MEF2C: variants seen among roughly 807,000 people sequenced by gnomAD.
The protein encoded by MEF2C is myocyte enhancer factor 2C.
A neutral mutation model predicts 50.5 loss-of-function variants in MEF2C; 6 were observed. That is an observed-to-expected ratio of 0.12 (90% confidence interval 0.07 to 0.23). The LOEUF is 0.23. Ranked by LOEUF, MEF2C falls within the 10% of genes least tolerant of loss-of-function variation. The pLI is 1.00. For synonymous variants in MEF2C, 183 were observed against 228.0 expected (o/e 0.80, Z 1.78); for missense variants, 276 against 605.0 (o/e 0.46, Z 5.70).
chr5:88,844,292 C>T lies in MEF2C; in HGVS notation c.-142-20362G>A, dbSNP rs182066915. Among the ~76,000 whole-genome samples, 325 of 152,262 alleles carry T rather than the reference C, an allele frequency of 2.1e-3. 1 individual carries two copies. The highest frequency in any genetic ancestry group is 3.5e-3 in the Non-Finnish European group (235 of 68,016). ...GAAAAAATGCACAACTTGTCCAACT[C>T]TATACTGCAAGTAAGCAACAAAATT... On this transcript the variant is annotated intron_variant, in intron 1 of 10. Transcript: ENST00000504921.
intron 1 of MEF2C, among the ~76,000 whole-genome samples, chr5:88,858,149 C>T (rs528800591): frequency 3.0e-4 from 45 of 152,278 alleles, no homozygotes; most frequent in African/African-American, 1.0e-3. Flanking sequence ...TACTTCAAAT[C>T]AACTCAATGC....
rs1195635979 is a variant in MEF2C at position 88,718,922 on chromosome 5, A to T, written c.*3682T>A. On this transcript the variant is annotated 3_prime_UTR_variant, in exon 11 of 11. Coordinates refer to ENST00000504921, the MANE Select transcript of MEF2C (RefSeq NM_002397.5). ...AAAGATCTGTAGTGGCAGGAAATTA[A>T]CGCCATAAAAGTGACGACATCACGG... 1 of 152,240 alleles carries T rather than the reference A, an allele frequency of 6.6e-6. No individual in the cohort carries two copies. The highest frequency in any genetic ancestry group is 2.4e-5 in the African/African-American group (1 of 41,464). 9.4% of individuals were successfully genotyped at this position (152,240 alleles called of 1,614,324 possible).
intron 2 of MEF2C, among the ~76,000 whole-genome samples, chr5:88,816,431 C>G (rs925165456): frequency 7.0e-6 from 1 of 142,484 alleles, no homozygotes; most frequent in African/African-American, 2.6e-5. Flanking sequence ...GAGGCCACAG[C>G]TGTTAAACAT....
intron 1 of MEF2C, among the ~76,000 whole-genome samples, chr5:88,831,661 T>A (rs1012284261): frequency 1.8e-4 from 27 of 152,046 alleles, no homozygotes; most frequent in African/African-American, 6.3e-4. Context: ...AAACTTTACA[T>A]GCTCAAATAT....
chr5:88,788,178 G>GTTTGTTTATTTA (rs71613095), intron 3 of MEF2C, among the ~76,000 whole-genome samples: 246 of 89,190 alleles, frequency 2.8e-3, no homozygotes, highest in African/African-American at 6.3e-3. Flanking sequence ...TTGTTTGTTT[G>GTTTGTTTATTTA]TTTATTTATT....
At chr5:88,807,280 G>C (rs796554640) in intron 2 of MEF2C, among the ~76,000 whole-genome samples, 13 of 152,194 alleles carry the variant, frequency 8.5e-5, no homozygotes, top group African/African-American at 3.1e-4. Context: ...CTGGAGTGTA[G>C]CGGTACTAGA....
intron 1 of MEF2C, chr5:88,881,043 C>G (rs1299804760): frequency 6.6e-6 from 1 of 151,778 alleles, no homozygotes; most frequent in Non-Finnish European, 1.5e-5. Flanking sequence ...GTCAAACATT[C>G]GAATGCTGTG....
intron 3 of MEF2C, among the ~76,000 whole-genome samples, chr5:88,764,013 T>G (rs1778938568): frequency 6.6e-6 from 1 of 152,210 alleles, no homozygotes; most frequent in African/African-American, 2.4e-5. Context: ...TATAGTCTTA[T>G]CCAGGCAGTA....
chr5:88,757,402 T>C (rs1775854808), intron 4 of MEF2C, among the ~76,000 whole-genome samples: 1 of 152,006 alleles, frequency 6.6e-6, no homozygotes, highest in Non-Finnish European at 1.5e-5. Context: ...TACCAGCTGC[T>C]GGGCTGTAGT....
At chr5:88,819,313 G>A (rs553645970) in intron 2 of MEF2C, 14 of 982,906 alleles carry the variant, frequency 1.4e-5, no homozygotes, top group Admixed American at 6.2e-5. Flanking sequence ...TGAGAGATCC[G>A]GGCTCAGATC....
At chr5:88,779,955 G>A (rs576452210) in intron 3 of MEF2C, among the ~76,000 whole-genome samples, 466 of 152,016 alleles carry the variant, frequency 3.1e-3, no homozygotes, top group Non-Finnish European at 5.5e-3. Flanking sequence ...GACCAGCCTG[G>A]CCAAGATGGT....
intron 4 of MEF2C, among the ~76,000 whole-genome samples, chr5:88,758,044 T>C (rs1008190639): frequency 4.6e-5 from 7 of 152,198 alleles, no homozygotes; most frequent in African/African-American, 1.7e-4. Flanking sequence ...TTAGGTCCCA[T>C]CCTCCTTCCC....
At chr5:88,760,968 C>CATCT in intron 4 of MEF2C, 2 of 1,599,158 alleles carry the variant, frequency 1.3e-6, no homozygotes, top group East Asian at 2.2e-5. Context: ...GCAGACCAGC[C>CATCT]ATCTACCTTT....
In MEF2C at chr5:88,801,696, C is replaced by T. The variant is rs370015893; in HGVS notation, c.258+2902G>A. On this transcript the variant is annotated intron_variant, in intron 3 of 10. Transcript: ENST00000504921. ...AGAGACGGGGTTTCACCATGTTAGC[C>T]CCGATGATCTTGATCTCCTGACCTC... Among the ~76,000 whole-genome samples, 9 of 152,092 alleles carry T rather than the reference C, an allele frequency of 5.9e-5. No homozygotes were observed. In the East Asian group the frequency reaches 1.5e-3, roughly 26 times the overall value.
chr5:88,887,664 A>C (rs530044037), upstream of MEF2C: 286 of 152,358 alleles, frequency 1.9e-3, no homozygotes, highest in Middle Eastern at 6.8e-3. Context: ...AATACTTTCA[A>C]ATAGATTTAT....
intron 1 of MEF2C, among the ~76,000 whole-genome samples, chr5:88,837,723 G>A (rs1815735570): frequency 1.3e-5 from 2 of 152,182 alleles, no homozygotes; most frequent in Admixed American, 1.3e-4. Flanking sequence ...TTATTGTTTG[G>A]ATAAATAGAA....
At chr5:88,894,121 T>G (rs1326823232) in intron 1 of MEF2C, among the ~76,000 whole-genome samples, 1 of 152,238 alleles carries the variant, frequency 6.6e-6, no homozygotes, top group Non-Finnish European at 1.5e-5. Flanking sequence ...CTGTATTAAT[T>G]GCTTTATAAA....
At chr5:88,902,020 TAATGCATGTGAA>T (rs1246767899) in intron 1 of MEF2C, among the ~76,000 whole-genome samples, 16 of 151,850 alleles carry the variant, frequency 1.1e-4, no homozygotes, top group African/African-American at 3.9e-4. Context: ...TAGCCAATGG[TAATGCATGTGAA>T]AACTTAACAA....
chr5:88,796,509 T>A (rs1796094119), intron 3 of MEF2C, among the ~76,000 whole-genome samples: 1 of 152,210 alleles, frequency 6.6e-6, no homozygotes, highest in Non-Finnish European at 1.5e-5. Flanking sequence ...TTTTACTGCA[T>A]CTGATTCTTC....
Sources: gnomAD v4.1 joint callset for allele counts (sites outside exome capture counted in the v4.1 genomes callset) on GRCh38, gnomAD v4.1.1 for gene constraint, MANE v1.5 for transcripts, NCBI Gene and HGNC (gene_info 2026-07-23, HGNC 2026-07-21) for gene names.